The following TRPM2 variants were observed in gnomAD, a reference collection of about 807,000 sequenced individuals.
The protein encoded by TRPM2 is estrogen-responsive element-associated gene 1 protein.
In TRPM2, 161 loss-of-function variants were observed where a neutral mutation model predicts 174.0. The observed-to-expected ratio is 0.93, with a 90% confidence interval of 0.81 to 1.05. The LOEUF (loss-of-function observed/expected upper bound fraction) is 1.05. Among genes scored for constraint, TRPM2 ranks in the 50% least tolerant of loss-of-function variants. The pLI is 0.00. For missense variants in TRPM2, 2,057 were observed against 2,038.0 expected (o/e 1.01, Z -0.18); for synonymous variants, 954 against 861.3 (o/e 1.11, Z -1.88).
chr21:44,405,225 C>A lies in TRPM2; in HGVS notation c.2622C>A (p.Gly874=), dbSNP rs202042869. 9.3e-6 allele frequency: 15 copies of A among 1,613,226 alleles called. No individual in the cohort carries two copies. The highest frequency in any genetic ancestry group is 1.1e-5 in the South Asian group (1 of 91,094). Residue 874 remains glycine, a synonymous_variant, in exon 17 of 32, where the codon GGC becomes GGA. Transcript: ENST00000397928. The part of the protein sequence containing the change: ...FSDFWNKLDV[G]AILLFVAGLT... ...ACTTCTGGAATAAGCTGGACGTCGG[C>A]GCAATCTTGCTCTTCGTGGCAGGGC...
chr21:44,377,082 C>T (rs906190528), intron 6 of TRPM2, among the ~76,000 whole-genome samples: 6 of 152,164 alleles, frequency 3.9e-5, no homozygotes, highest in African/African-American at 1.4e-4. Flanking sequence ...TCAGGGACCA[C>T]ACTTTGAGAA....
Position 44,425,735 on chromosome 21 carries a change from G to T in TRPM2, c.3703G>T (p.Gly1235Cys). ...AGGCAGGAAGAAGACGGAGGAGCCG[G>T]GCGACAGCTACCACGTGAATGCCCG... ...PGGRKKTEEP[G>C]DSYHVNARHL... The change falls in exon 25 of 32, where the codon GGC becomes TGC. Residue 1235 changes from glycine (G) to cysteine (C), a missense_variant. Transcript: ENST00000397928. The T allele has an allele frequency of 6.3e-7, 1 of 1,583,136 alleles. No homozygotes were observed. Among genetic ancestry groups the T allele is most frequent in the Non-Finnish European group, 8.6e-7 (1 of 1,162,352 alleles).
In TRPM2 at chr21:44,406,035, AT is replaced by A; in HGVS notation, c.2789del (p.Met930ArgfsTer2). 1.2e-6 allele frequency: 2 copies of A among 1,605,814 alleles called. No homozygotes were observed. Among genetic ancestry groups the A allele is most frequent in the Non-Finnish European group, 1.7e-6 (2 of 1,179,598 alleles). ...LGPKIIIVKR[M>X]MKDVFFFLFL... ...GCCCAAGATCATCATTGTGAAGCGG[AT>A]GGTAAGGGGGCGGGGGCACCGGCTC... On this transcript the variant is annotated frameshift_variant and splice_region_variant, in exon 18 of 32. Coordinates refer to ENST00000397928, the MANE Select transcript of TRPM2 (RefSeq NM_003307.4). LOFTEE classifies it high-confidence loss of function.
chr21:44,394,376 G>A (rs980520319), intron 11 of TRPM2, among the ~76,000 whole-genome samples: 6 of 141,264 alleles, frequency 4.2e-5, no homozygotes, highest in Admixed American at 2.2e-4. Flanking sequence ...CTGGAGTGTA[G>A]TGGCGCAATC....
chr21:44,424,499 G>A (rs895564428), intron 23 of TRPM2, among the ~76,000 whole-genome samples: 4 of 152,232 alleles, frequency 2.6e-5, no homozygotes, highest in Non-Finnish European at 1.5e-5. Context: ...TGGCTTTGGC[G>A]GCCTGTGACC....
chr21:44,439,308 G>A lies in TRPM2; in HGVS notation c.4269+140G>A. The stretch of plus-strand genomic sequence containing the variant: ...GCTTCACCAGGTGACGGTGGTCCCA[G>A]CCCCTGCCCCCACGTTGCACAGCTC... On this transcript the variant is annotated intron_variant, in intron 30 of 31. Transcript: ENST00000397928. The surrounding 1 kb of genome is among the most constrained non-coding windows in gnomAD (Gnocchi z 5.1). 1.4e-6 allele frequency: 1 copy of A among 707,112 alleles called. No individual in the cohort carries two copies. Among genetic ancestry groups the A allele is most frequent in the East Asian group, 2.8e-5 (1 of 35,476 alleles). The allele number at this position is 707,112 out of a possible 1,614,324, so 43.8% of individuals were successfully genotyped here.
rs1055602205 is a variant in TRPM2 at position 44,367,384 on chromosome 21, T to C, written c.604+450T>C. ...GAGTTCCCAGTCATCAAGCTTTCCA[T>C]TATCGTGTTTTTCCATCAAAATCAG... On this transcript the variant is annotated intron_variant, in intron 4 of 31. Transcript: ENST00000397928. This position sits in a 1 kb window ranked among gnomAD's most constrained non-coding sequence, Gnocchi z 4.6. Among the ~76,000 whole-genome samples the C allele has an allele frequency of 2.0e-5, 3 of 152,136 alleles. No individual in the cohort carries two copies. The highest frequency in any genetic ancestry group is 2.0e-4 in the Admixed American group (3 of 15,284).
At chr21:44,389,907 C>G (rs976490604) in intron 9 of TRPM2, among the ~76,000 whole-genome samples, 2 of 144,162 alleles carry the variant, frequency 1.4e-5, no homozygotes, top group African/African-American at 2.6e-5. Context: ...GAGTCTCGCT[C>G]TGTTGCCCAG....
upstream of TRPM2, among the ~76,000 whole-genome samples, chr21:44,352,293 C>A (rs2123000565): frequency 6.6e-6 from 1 of 152,140 alleles, no homozygotes; most frequent in African/African-American, 2.4e-5. Context: ...GTGAAGTTTA[C>A]GGGTCTCGGA....
rs760810641 is a variant in TRPM2 at position 44,364,238 on chromosome 21, T to A, written c.379T>A (p.Phe127Ile). The stretch of plus-strand genomic sequence containing the variant: ...TGTCCAGGAGATGCCAACCGATGCC[T>A]TTGGCGACATCGTCTTCACGGGCCT... ...KHVQEMPTDA[F>I]GDIVFTGLSQ... The change falls in exon 3 of 32, where the codon TTT (phenylalanine) becomes ATT (isoleucine). Residue 127 changes from phenylalanine (F) to isoleucine (I), a missense_variant. By Grantham distance (21) the Phe-to-Ile change is conservative. Coordinates refer to ENST00000397928, the MANE Select transcript of TRPM2 (RefSeq NM_003307.4). 10 of 1,614,216 alleles carry A rather than the reference T, an allele frequency of 6.2e-6. No individual in the cohort carries two copies. The highest frequency in any genetic ancestry group is 8.5e-6 in the Non-Finnish European group (10 of 1,180,034).
At position 44,405,122 on chromosome 21, in the gene TRPM2, A is replaced by G. The variant is rs1352988341; in HGVS notation, c.2539-20A>G. On this transcript the variant is annotated intron_variant, in intron 16 of 31. Coordinates refer to ENST00000397928, the MANE Select transcript of TRPM2 (RefSeq NM_003307.4). ...AGAGTGACAACCTGTCTGCCTTCCT[A>G]CCGCCCCTCTTCCCAGTAGCTCTTC... is the stretch of plus-strand genomic sequence containing the variant. 6.2e-7 allele frequency: 1 copy of G among 1,612,098 alleles called. No homozygotes were observed.
chr21:44,366,327 G>A lies in TRPM2; in HGVS notation c.424-427G>A, dbSNP rs1321791939. ...AGGAGAGGGGACAGGAGAGGGGGCA[G>A]TGCTGGGTGCACAAGGACAGAAGGG... On this transcript the variant is annotated intron_variant, in intron 3 of 31. Transcript: ENST00000397928. This position sits in a 1 kb window ranked among gnomAD's most constrained non-coding sequence, Gnocchi z 6.0. 6.6e-6 allele frequency among the ~76,000 whole-genome samples: 1 copy of A among 151,930 alleles called. No individual in the cohort carries two copies. Among genetic ancestry groups the A allele is most frequent in the African/African-American group, 2.4e-5 (1 of 41,332 alleles).
intron 9 of TRPM2, among the ~76,000 whole-genome samples, chr21:44,385,572 T>C (rs537476413): frequency 1.3e-5 from 2 of 152,316 alleles, no homozygotes; most frequent in African/African-American, 4.8e-5. Flanking sequence ...ATAAAACTTA[T>C]AAATTGGGAA....
Position 44,405,134 on chromosome 21 carries a change from C to T in TRPM2, c.2539-8C>T, listed in dbSNP as rs769983942. The T allele has an allele frequency of 6.2e-7, 1 of 1,613,142 alleles. No homozygotes were observed. Among genetic ancestry groups the T allele is most frequent in the Non-Finnish European group, 8.5e-7 (1 of 1,179,680 alleles). The stretch of plus-strand genomic sequence containing the variant: ...TGTCTGCCTTCCTACCGCCCCTCTT[C>T]CCAGTAGCTCTTCTATGACCCTGAC... On this transcript the variant is annotated splice_polypyrimidine_tract_variant and splice_region_variant and intron_variant, in intron 16 of 31. Transcript: ENST00000397928.
chr21:44,421,372 A>T (rs2050545832), intron 22 of TRPM2, among the ~76,000 whole-genome samples: 2 of 152,044 alleles, frequency 1.3e-5, no homozygotes, highest in Admixed American at 1.3e-4. Flanking sequence ...TATCCCAGAC[A>T]TCTTAAAGCT....
chr21:44,355,484 G>A (rs997461469), intron 2 of TRPM2, among the ~76,000 whole-genome samples: 1 of 152,194 alleles, frequency 6.6e-6, no homozygotes, highest in Non-Finnish European at 1.5e-5. Flanking sequence ...GCCTATTGCA[G>A]ATGCTGCCTC....
At chr21:44,393,762 T>C (rs1207102722) in intron 11 of TRPM2, among the ~76,000 whole-genome samples, 1 of 152,096 alleles carries the variant, frequency 6.6e-6, no homozygotes, top group Non-Finnish European at 1.5e-5. Context: ...ATCACATTTT[T>C]TTTTTTTTCC....
intron 4 of TRPM2, among the ~76,000 whole-genome samples, chr21:44,368,590 C>A (rs965513686): frequency 6.6e-6 from 1 of 151,848 alleles, no homozygotes; most frequent in African/African-American, 2.4e-5. Context: ...TGCTACCATG[C>A]CTGGCTAATT....
intron 11 of TRPM2, 60 bp from the exon 12 acceptor site, chr21:44,395,354 C>T: frequency 6.3e-7 from 1 of 1,586,240 alleles, no homozygotes; most frequent in Non-Finnish European, 8.6e-7. Context: ...CTGACAGGCT[C>T]CGCCAGTGAC....
Sources: gnomAD v4.1 joint callset for allele counts (sites outside exome capture counted in the v4.1 genomes callset) on GRCh38, gnomAD v4.1.1 for gene constraint, Gnocchi (gnomAD v3.1) non-coding constraint, MANE v1.5 for transcripts, NCBI Gene and HGNC (gene_info 2026-07-23, HGNC 2026-07-21) for gene names.